KALRN: variants seen among roughly 807,000 people sequenced by gnomAD.
KALRN encodes the protein kalirin RhoGEF kinase.
In KALRN, 70 loss-of-function variants were observed where a neutral mutation model predicts 353.7. That is an observed-to-expected ratio of 0.20 (90% CI 0.16 to 0.24). The LOEUF (loss-of-function observed/expected upper bound fraction) is 0.24. KALRN is among the 10% of genes least tolerant of loss of function. The pLI is 1.00. For missense variants in KALRN, 2,791 were observed against 3,756.7 expected, an observed-to-expected ratio of 0.74 and a Z score of 6.72; for synonymous variants, 1,391 against 1,434.8, an observed-to-expected ratio of 0.97 and a Z score of 0.69.
chr3:124,679,382 C>CT, intron 50 of KALRN, 76 bp from the exon 51 acceptor site: 1 of 1,305,016 alleles, frequency 7.7e-7, no homozygotes, highest in Non-Finnish European at 1.1e-6. Context: ...CTGAAGTTCT[C>CT]CTCTCTCTCT....
At chr3:124,197,357 C>T (rs2075545102) in intron 1 of KALRN, among the ~76,000 whole-genome samples, 1 of 152,182 alleles carries the variant, frequency 6.6e-6, no homozygotes, top group African/African-American at 2.4e-5. Flanking sequence ...CTAATCAAGC[C>T]CTTGCTTCTG....
At chr3:124,291,901 T>C (rs1382654053) in intron 5 of KALRN, among the ~76,000 whole-genome samples, 4 of 152,212 alleles carry the variant, frequency 2.6e-5, no homozygotes, top group Non-Finnish European at 5.9e-5. Context: ...AGATATTTAT[T>C]ACACCTACAG....
chr3:124,381,526 G>A (rs1197985879), intron 10 of KALRN, among the ~76,000 whole-genome samples: 1 of 152,126 alleles, frequency 6.6e-6, no homozygotes, highest in Admixed American at 6.5e-5. Context: ...GAAGAGAGCT[G>A]GGCAGAGACA....
At position 124,422,803 on chromosome 3, in the gene KALRN, T is replaced by A. The variant is rs1039345670; in HGVS notation, c.2543-9T>A. 7.4e-6 allele frequency: 12 copies of A among 1,612,000 alleles called. No homozygotes were observed. The highest frequency in any genetic ancestry group is 1.0e-5 in the Non-Finnish European group (12 of 1,178,576). ...TGGTTTTTAATTGTTTCCATTTTTT[T>A]AAAATCAGGAATTGAGTTGATCTGT... On this transcript the variant is annotated splice_polypyrimidine_tract_variant and intron_variant, in intron 14 of 59. Transcript: ENST00000682506.
Position 124,650,818 on chromosome 3 carries a change from G to A in KALRN, c.5675G>A (p.Gly1892Glu). ...KLVKNKLSLE[G>E]SSYRGSLKDP... ...TTTCTCTCTTTTCAGAGTCTAGAAGGAAGCTCATACCGGGGGAGCTTGAAA... is the reference window on the plus strand; with the variant it reads ...TTTCTCTCTTTTCAGAGTCTAGAAGAAAGCTCATACCGGGGGAGCTTGAAA... Residue 1892 changes from glycine (G) to glutamate (E), a missense_variant, in exon 38 of 60, where the codon GGA (glycine) becomes GAA (glutamate). Physicochemically the swap from Gly to Glu is moderately conservative, Grantham distance 98 (BLOSUM62 -2). This residue lies in a region of KALRN where 1,065 missense variants were observed against 1,156.4 expected (regional missense o/e 0.92). Coordinates refer to ENST00000682506, the MANE Select transcript of KALRN (RefSeq NM_001388419.1). The A allele has an allele frequency of 6.2e-7, 1 of 1,613,626 alleles. No individual in the cohort carries two copies. The highest frequency in any genetic ancestry group is 8.5e-7 in the Non-Finnish European group (1 of 1,179,516).
At chr3:124,391,703 T>G (rs77287370) in intron 11 of KALRN, among the ~76,000 whole-genome samples, 1,678 of 152,358 alleles carry the variant, frequency 0.011, 18 homozygotes, top group Middle Eastern at 0.037. Flanking sequence ...TCTATCTACC[T>G]TATGGTGCTA....
In KALRN at chr3:124,473,503, C is replaced by G. The variant is rs987965680; in HGVS notation, c.4032-1160C>G. Among the ~76,000 whole-genome samples the G allele has an allele frequency of 2.6e-5, 4 of 152,186 alleles. No individual in the cohort carries two copies. The East Asian group carries it at 5.8e-4, about 22-fold the overall frequency. Reference sequence around the variant, plus strand: ...TGGAAATAAGAATACGTAATTCCTACTGAGACAAAAAGTTGCATGTTCTAC... The same window carrying G: ...TGGAAATAAGAATACGTAATTCCTAGTGAGACAAAAAGTTGCATGTTCTAC... On this transcript the variant is annotated intron_variant, in intron 25 of 59. Transcript: ENST00000682506.
At chr3:124,094,806 G>GGACT in intron 1 of KALRN, 1 of 1,601,916 alleles carries the variant, frequency 6.2e-7, no homozygotes, top group Non-Finnish European at 8.6e-7. Context: ...TCTGCCGAGG[G>GGACT]GACTGGCTGT....
chr3:124,158,658 A>G (rs1202043246), intron 1 of KALRN, among the ~76,000 whole-genome samples: 1 of 152,172 alleles, frequency 6.6e-6, no homozygotes, highest in African/African-American at 2.4e-5. Flanking sequence ...GAAGGGCTGG[A>G]GGCCAGCCAG....
intron 34 of KALRN, among the ~76,000 whole-genome samples, chr3:124,602,033 A>C (rs1403076728): frequency 6.6e-6 from 1 of 152,024 alleles, no homozygotes; most frequent in Non-Finnish European, 1.5e-5. Context: ...CTCAAAAAAA[A>C]AAAAAAAAAG....
At chr3:124,562,707 C>G in intron 33 of KALRN, 136 bp from the exon 34 acceptor site, 1 of 761,826 alleles carries the variant, frequency 1.3e-6, no homozygotes, top group Non-Finnish European at 1.8e-6. Flanking sequence ...ACCATTTTTC[C>G]TCTTTATTCC....
chr3:124,520,869 CA>C (rs1319488272), intron 33 of KALRN, among the ~76,000 whole-genome samples: 1 of 152,166 alleles, frequency 6.6e-6, no homozygotes, highest in Non-Finnish European at 1.5e-5. Context: ...CTTTGTTTTC[CA>C]AATGAAGAGA....
At chr3:124,146,218 G>A (rs2067303372) in intron 1 of KALRN, among the ~76,000 whole-genome samples, 1 of 152,214 alleles carries the variant, frequency 6.6e-6, no homozygotes, top group Admixed American at 6.5e-5. Context: ...TCCCTAAAGT[G>A]TGGTCCATGG....
intron 13 of KALRN, among the ~76,000 whole-genome samples, chr3:124,404,902 C>A (rs374443887): frequency 2.8e-4 from 43 of 152,136 alleles, no homozygotes; most frequent in Admixed American, 5.2e-4. Flanking sequence ...AAAAACCATT[C>A]GAGACTGCAA....
intron 10 of KALRN, among the ~76,000 whole-genome samples, chr3:124,366,892 C>G (rs1441409545): frequency 1.6e-5 from 2 of 125,550 alleles, no homozygotes; most frequent in African/African-American, 7.3e-5. Flanking sequence ...GCTGACCCCC[C>G]CACCTCCCTC....
chr3:124,206,681 G>A (rs2076438949), intron 1 of KALRN, among the ~76,000 whole-genome samples: 1 of 152,216 alleles, frequency 6.6e-6, no homozygotes. Flanking sequence ...TAGACTTATA[G>A]CATTACATGA....
intron 33 of KALRN, among the ~76,000 whole-genome samples, chr3:124,532,473 G>C (rs2109177092): frequency 6.6e-6 from 1 of 152,302 alleles, no homozygotes; most frequent in Non-Finnish European, 1.5e-5. Context: ...AGGTATATGA[G>C]CTTTGAAAAA....
intron 1 of KALRN, among the ~76,000 whole-genome samples, chr3:124,126,289 T>C (rs2064663259): frequency 6.6e-6 from 1 of 152,154 alleles, no homozygotes. Context: ...GATTCCTTTA[T>C]TTTTTTCCTC....
At chr3:124,661,108 C>T (rs1210527882) in intron 44 of KALRN, 135 bp downstream of exon 44, 15 of 695,814 alleles carry the variant, frequency 2.2e-5, no homozygotes, top group East Asian at 7.8e-5. Context: ...CTCTTGTAAA[C>T]AGCTTTGTAC....
Sources: gnomAD v4.1 joint callset for allele counts (sites outside exome capture counted in the v4.1 genomes callset) on GRCh38, gnomAD v4.1.1 for gene constraint, gnomAD v4.1.1 regional missense constraint, MANE v1.5 for transcripts, NCBI Gene and HGNC (gene_info 2026-07-23, HGNC 2026-07-21) for gene names.